Variants in ATRNL1 observed in about 807,000 individuals in gnomAD.
ATRNL1 encodes attractin-like protein 1.
In ATRNL1, 95 loss-of-function variants were observed where a neutral mutation model predicts 182.7. That is an observed-to-expected ratio of 0.52 (90% CI 0.44 to 0.62). The LOEUF (loss-of-function observed/expected upper bound fraction) is 0.62. ATRNL1 is among the 20% of genes least tolerant of loss of function. ATRNL1 has a pLI of 0.00. For synonymous variants in ATRNL1, 576 were observed against 568.3 expected (o/e 1.01, Z -0.19); for missense variants, 1,471 against 1,679.5 (o/e 0.88, Z 2.17).
intron 10 of ATRNL1, among the ~76,000 whole-genome samples, chr10:115,260,690 T>G (rs1851356188): frequency 6.6e-6 from 1 of 152,130 alleles, no homozygotes; most frequent in South Asian, 2.1e-4. Flanking sequence ...GATGTTACAT[T>G]TGTGAAGCAA....
chr10:115,102,274 T>C (rs1386905070), intron 1 of ATRNL1, among the ~76,000 whole-genome samples: 1 of 152,212 alleles, frequency 6.6e-6, no homozygotes, highest in East Asian at 1.9e-4. Context: ...ACTATCCTTT[T>C]TTCATTAATG....
intron 26 of ATRNL1, among the ~76,000 whole-genome samples, chr10:115,608,565 T>C (rs1856988304): frequency 6.6e-6 from 1 of 152,110 alleles, no homozygotes; most frequent in Non-Finnish European, 1.5e-5. Context: ...AAAGTATGCA[T>C]TCATAGTTTC....
chr10:115,589,645 A>G (rs1411801664), intron 26 of ATRNL1, among the ~76,000 whole-genome samples: 2 of 152,182 alleles, frequency 1.3e-5, no homozygotes, highest in Admixed American at 1.3e-4. Context: ...ATCATGATAC[A>G]TACTTATGTC....
chr10:115,502,616 T>C (rs539386624), intron 24 of ATRNL1, among the ~76,000 whole-genome samples: 72 of 152,286 alleles, frequency 4.7e-4, no homozygotes, highest in Middle Eastern at 3.4e-3. Flanking sequence ...AATCCTCTTA[T>C]AACCTTTATT....
chr10:115,266,622 T>A (rs1851619296), intron 11 of ATRNL1, among the ~76,000 whole-genome samples, 175 bp from the exon 12 acceptor site: 1 of 151,726 alleles, frequency 6.6e-6, no homozygotes, highest in Non-Finnish European at 1.5e-5. Flanking sequence ...GTAGTTCCTC[T>A]GGTGTTTTTA....
rs781926415 is a variant in ATRNL1 at position 115,129,373 on chromosome 10, A to G, written c.667A>G (p.Thr223Ala). The change falls in exon 5 of 29, where the codon ACT (threonine) becomes GCT (alanine). Residue 223 changes from threonine (T) to alanine (A), a missense_variant. Coordinates refer to ENST00000355044, the MANE Select transcript of ATRNL1 (RefSeq NM_207303.4). ...TTGCTCTGGTCATGGGAAGTGTACA[A>G]CTAGTGTCTCTGTTCCAAGTCAAGT... The part of the protein sequence containing the change: ...NNCSGHGKCT[T>A]SVSVPSQVYC... 1.9e-6 allele frequency: 3 copies of G among 1,613,800 alleles called. No homozygotes were observed. Among genetic ancestry groups the G allele is most frequent in the South Asian group, 2.2e-5 (2 of 91,088 alleles).
intron 24 of ATRNL1, among the ~76,000 whole-genome samples, chr10:115,493,384 G>A (rs888238198): frequency 6.6e-6 from 1 of 152,122 alleles, no homozygotes; most frequent in Admixed American, 6.5e-5. Context: ...TTCTGCTCCT[G>A]CATTATTTCG....
At chr10:115,642,170 A>C (rs995196195) in intron 26 of ATRNL1, among the ~76,000 whole-genome samples, 1 of 152,296 alleles carries the variant, frequency 6.6e-6, no homozygotes, top group African/African-American at 2.4e-5. Context: ...ACAAGGCCAA[A>C]ATATAAAATC....
chr10:115,226,114 C>A (rs998056178), intron 9 of ATRNL1, among the ~76,000 whole-genome samples: 4 of 151,650 alleles, frequency 2.6e-5, no homozygotes, highest in African/African-American at 9.7e-5. Flanking sequence ...CACAGACAGA[C>A]CTATATATTT....
At position 115,909,858 on chromosome 10, in the gene ATRNL1, G is replaced by A. The variant is rs542743483; in HGVS notation, c.4019-34800G>A. Among the ~76,000 whole-genome samples, 32 of 152,138 alleles carry A rather than the reference G, an allele frequency of 2.1e-4. 1 individual carries two copies. The highest frequency in any genetic ancestry group is 6.2e-4 in the South Asian group (3 of 4,810). ...TCCTAGCCAGAAGGCTAGGAATTTG[G>A]CATTATTAAATCTTATCTTCCCTAA... On this transcript the variant is annotated intron_variant, in intron 28 of 28. Transcript: ENST00000355044.
At chr10:115,856,448 A>AAAAAAAAAAAAAAAAAAAAAAAAAAAC (rs1555102095) in intron 28 of ATRNL1, among the ~76,000 whole-genome samples, 1 of 147,838 alleles carries the variant, frequency 6.8e-6, no homozygotes, top group Non-Finnish European at 1.5e-5. Flanking sequence ...AAAAAAAAAA[A>AAAAAAAAAAAAAAAAAAAAAAAAAAAC]AAGCCATACA....
At chr10:115,737,509 C>G (rs1054205058) in intron 27 of ATRNL1, among the ~76,000 whole-genome samples, 11 of 151,962 alleles carry the variant, frequency 7.2e-5, no homozygotes, top group South Asian at 6.2e-4. Flanking sequence ...CTTACACTAT[C>G]TGTAGTTGTC....
intron 22 of ATRNL1, among the ~76,000 whole-genome samples, chr10:115,463,250 C>CA (rs141388830): frequency 0.2 from 29,740 of 150,984 alleles, 3,090 homozygotes; most frequent in South Asian, 0.28. Flanking sequence ...CCCCCATCAC[C>CA]AAAAAAAAGA....
rs1397455407 is a variant in ATRNL1 at position 115,437,780 on chromosome 10, C to T, written c.3322+11478C>T. 5.3e-5 allele frequency among the ~76,000 whole-genome samples: 8 copies of T among 151,910 alleles called. No individual in the cohort carries two copies. In the South Asian group the frequency reaches 6.2e-4, roughly 12 times the overall value. Reference sequence around the variant, plus strand: ...TCCTTCAGAATTCATTCAGAAATAACTACAGTGAATAAGGCAGTGAAATAA... The same window carrying T: ...TCCTTCAGAATTCATTCAGAAATAATTACAGTGAATAAGGCAGTGAAATAA... On this transcript the variant is annotated intron_variant, in intron 21 of 28. Coordinates refer to ENST00000355044, the MANE Select transcript of ATRNL1 (RefSeq NM_207303.4).
intron 19 of ATRNL1, among the ~76,000 whole-genome samples, chr10:115,363,796 T>G (rs546974823): frequency 8.8e-5 from 13 of 148,128 alleles, no homozygotes; most frequent in East Asian, 7.9e-4. Flanking sequence ...CATTGCTTGT[T>G]TTTCTCAGGT....
At chr10:115,623,262 T>G (rs1444015978) in intron 26 of ATRNL1, among the ~76,000 whole-genome samples, 1 of 152,158 alleles carries the variant, frequency 6.6e-6, no homozygotes, top group African/African-American at 2.4e-5. Flanking sequence ...TTTCTGAATG[T>G]TTTAAAGAAT....
intron 27 of ATRNL1, among the ~76,000 whole-genome samples, chr10:115,845,906 A>G (rs1555098629): frequency 2.0e-5 from 3 of 151,986 alleles, no homozygotes; most frequent in Non-Finnish European, 4.4e-5. Flanking sequence ...TGACCTTTAC[A>G]TATTGTTTGC....
chr10:115,879,843 G>A (rs1951787230), intron 28 of ATRNL1, among the ~76,000 whole-genome samples: 2 of 152,136 alleles, frequency 1.3e-5, no homozygotes, highest in Non-Finnish European at 2.9e-5. Context: ...GGAAATCAGG[G>A]GAGCCTCGGA....
At chr10:115,127,168 G>C (rs565683420) in intron 3 of ATRNL1, among the ~76,000 whole-genome samples, 10 of 152,244 alleles carry the variant, frequency 6.6e-5, no homozygotes, top group African/African-American at 2.4e-4. Flanking sequence ...CTGATGTAGA[G>C]TGTCTTCCAG....
Sources: allele counts gnomAD v4.1 joint callset (sites outside exome capture counted in the v4.1 genomes callset), GRCh38; gene constraint gnomAD v4.1.1; transcripts MANE v1.5; gene names NCBI Gene and HGNC (gene_info 2026-07-23, HGNC 2026-07-21).